The following OSBPL6 variants were observed in gnomAD, a reference collection of about 807,000 sequenced individuals.
The protein encoded by OSBPL6 is oxysterol-binding protein-related protein 6.
Under a neutral mutation model 125.8 loss-of-function variants are expected in OSBPL6, and 49 were observed. The observed-to-expected ratio is 0.39, with a 90% CI of 0.31 to 0.49. The LOEUF (loss-of-function observed/expected upper bound fraction) is 0.49, where lower values mean the gene tolerates loss of function less well. OSBPL6 is among the 20% of genes least tolerant of loss of function. OSBPL6 has a pLI of 0.88. For synonymous variants in OSBPL6, 394 were observed against 391.8 expected (o/e 1.01, Z -0.07); for missense variants, 986 against 1,135.4 (o/e 0.87, Z 1.89).
At chr2:178,341,952 T>A (rs16866272) in intron 11 of OSBPL6, among the ~76,000 whole-genome samples, 22,550 of 152,022 alleles carry the variant, frequency 0.15, 1,815 homozygotes, top group Admixed American at 0.23. Context: ...TATGACAACA[T>A]GAAAATCTTT....
At chr2:178,281,280 T>C (rs1390932815) in intron 1 of OSBPL6, among the ~76,000 whole-genome samples, 1 of 152,214 alleles carries the variant, frequency 6.6e-6, no homozygotes, top group African/African-American at 2.4e-5. Context: ...CCCAAAGTGC[T>C]GGGATTACAG....
intron 1 of OSBPL6, among the ~76,000 whole-genome samples, chr2:178,273,602 T>C (rs116360955): frequency 0.012 from 1,768 of 152,172 alleles, 32 homozygotes; most frequent in African/African-American, 0.041. Flanking sequence ...AACAAGTAAA[T>C]TAAAAGTATT....
chr2:178,385,955 G>A (rs1026038374), intron 19 of OSBPL6, among the ~76,000 whole-genome samples: 1 of 152,126 alleles, frequency 6.6e-6, no homozygotes. Context: ...AGTAATTCCT[G>A]GCCTTTAACT....
intron 15 of OSBPL6, among the ~76,000 whole-genome samples, chr2:178,376,861 C>A (rs577660523): frequency 6.6e-6 from 1 of 152,128 alleles, no homozygotes; most frequent in African/African-American, 2.4e-5. Context: ...GAACTGTACC[C>A]CCATTCCTTG....
chr2:178,230,331 A>G (rs1386534839), intron 1 of OSBPL6: 2 of 152,244 alleles, frequency 1.3e-5, no homozygotes, highest in African/African-American at 4.8e-5. Context: ...AACAGAATGG[A>G]TACTGAAGGC....
chr2:178,270,020 G>T (rs973958514), intron 1 of OSBPL6, among the ~76,000 whole-genome samples: 11 of 152,256 alleles, frequency 7.2e-5, no homozygotes, highest in African/African-American at 2.6e-4. Context: ...ACACTGGCTT[G>T]TTCAGGTATG....
intron 22 of OSBPL6, among the ~76,000 whole-genome samples, 196 bp downstream of exon 22, chr2:178,391,413 C>A (rs1695395898): frequency 6.6e-6 from 1 of 152,150 alleles, no homozygotes. Flanking sequence ...TTTGATATTT[C>A]ATAATAAAGA....
chr2:178,385,572 A>C, intron 19 of OSBPL6, 51 bp downstream of exon 19: 6 of 1,388,334 alleles, frequency 4.3e-6, no homozygotes, highest in Non-Finnish European at 6.1e-6. Flanking sequence ...CTATGAAAAA[A>C]TATCTGGCTT....
intron 1 of OSBPL6, among the ~76,000 whole-genome samples, chr2:178,229,680 A>G (rs547789440): frequency 6.6e-6 from 1 of 152,272 alleles, no homozygotes; most frequent in South Asian, 2.1e-4. Flanking sequence ...ACACATAAAA[A>G]TTAGCCAAGT....
At chr2:178,292,839 C>G (rs1216410919) in intron 2 of OSBPL6, among the ~76,000 whole-genome samples, 1 of 152,070 alleles carries the variant, frequency 6.6e-6, no homozygotes, top group Non-Finnish European at 1.5e-5. Flanking sequence ...GAGTATTGTT[C>G]TAGAAAGTGA....
intron 1 of OSBPL6, among the ~76,000 whole-genome samples, chr2:178,270,480 G>A (rs2092352272): frequency 6.6e-6 from 1 of 152,210 alleles, no homozygotes; most frequent in South Asian, 2.1e-4. Flanking sequence ...ACAGAGAGGA[G>A]GCATACCTTT....
chr2:178,321,223 G>A (rs11894942), intron 3 of OSBPL6, among the ~76,000 whole-genome samples: 1 of 152,170 alleles, frequency 6.6e-6, no homozygotes. Flanking sequence ...CTGCAAATTA[G>A]CACTAAAAAA....
chr2:178,262,833 A>T (rs748576903), intron 1 of OSBPL6, among the ~76,000 whole-genome samples: 24 of 152,222 alleles, frequency 1.6e-4, no homozygotes, highest in Non-Finnish European at 3.2e-4. Context: ...ATTAATATAT[A>T]TAGATCTCCT....
At chr2:178,298,694 G>GTT (rs757606940) in intron 2 of OSBPL6, among the ~76,000 whole-genome samples, 7 of 139,416 alleles carry the variant, frequency 5.0e-5, no homozygotes, top group Admixed American at 7.1e-5. Context: ...ATTTTTAGTT[G>GTT]CTTTTTTTTT....
Position 178,399,322 on chromosome 2 carries a change from G to A in OSBPL6, c.*3763G>A, listed in dbSNP as rs866950938. ...AATAATACTATCCAAAGTAGGATTCGGTCCTGTAAGTCCTAACTGAATTTC... is the reference window on the plus strand; with the variant it reads ...AATAATACTATCCAAAGTAGGATTCAGTCCTGTAAGTCCTAACTGAATTTC... On this transcript the variant is annotated 3_prime_UTR_variant, in exon 25 of 25. Coordinates refer to ENST00000190611, the MANE Select transcript of OSBPL6 (RefSeq NM_032523.4). 4 of 152,042 alleles carry A rather than the reference G, an allele frequency of 2.6e-5. No homozygotes were observed. The highest frequency in any genetic ancestry group is 4.8e-5 in the African/African-American group (2 of 41,380). The allele number at this position is 152,042 out of a possible 1,614,324, so 9.4% of individuals were successfully genotyped here.
chr2:178,362,795 T>A (rs1220057086), intron 13 of OSBPL6, among the ~76,000 whole-genome samples: 4 of 152,190 alleles, frequency 2.6e-5, no homozygotes, highest in Admixed American at 6.5e-5. Flanking sequence ...ACTTTCTGCA[T>A]TATCCATAAA....
chr2:178,268,894 G>T (rs1221624725), intron 1 of OSBPL6, among the ~76,000 whole-genome samples: 5 of 151,974 alleles, frequency 3.3e-5, no homozygotes, highest in African/African-American at 4.8e-5. Flanking sequence ...TCCTTCCTGA[G>T]CATGTTGGCA....
chr2:178,247,768 T>C (rs1033078072), intron 1 of OSBPL6, among the ~76,000 whole-genome samples: 7 of 152,192 alleles, frequency 4.6e-5, no homozygotes, highest in African/African-American at 7.2e-5. Flanking sequence ...GCACTTTCCT[T>C]GGGGAGTATT....
At chr2:178,388,959 ATG>A in intron 20 of OSBPL6, 48 bp from the exon 21 acceptor site, 1 of 1,585,538 alleles carries the variant, frequency 6.3e-7, no homozygotes, top group Non-Finnish European at 8.6e-7. Flanking sequence ...AAACAGTTAT[ATG>A]TGTTTGTGAC....
Sources: gnomAD v4.1 joint callset for allele counts (sites outside exome capture counted in the v4.1 genomes callset) on GRCh38, gnomAD v4.1.1 for gene constraint, MANE v1.5 for transcripts, NCBI Gene and HGNC (gene_info 2026-07-23, HGNC 2026-07-21) for gene names.